ADGRG5: variants seen among roughly 807,000 people sequenced by gnomAD.
The protein encoded by ADGRG5 is adhesion G protein-coupled receptor G5.
A neutral mutation model predicts 53.2 loss-of-function variants in ADGRG5; 37 were observed. The ratio of observed to expected loss-of-function variants is 0.70; its 90% CI spans 0.53 to 0.91. ADGRG5 has a LOEUF of 0.91. Among genes scored for constraint, ADGRG5 ranks in the 40% least tolerant of loss-of-function variants. The probability of loss-of-function intolerance (pLI) is 0.00; values close to 1 mark genes in which losing one functional copy is unlikely to be tolerated. For missense variants in ADGRG5, 614 were observed against 675.8 expected, an observed-to-expected ratio of 0.91 and a Z score of 1.01; for synonymous variants, 277 against 290.4, an observed-to-expected ratio of 0.95 and a Z score of 0.47.
At chr16:57,550,224 C>T (rs1171692649) in intron 1 of ADGRG5, among the ~76,000 whole-genome samples, 9 of 152,168 alleles carry the variant, frequency 5.9e-5, no homozygotes, top group African/African-American at 1.9e-4. Context: ...GTGACCCACC[C>T]GCCTCGGCCT....
chr16:57,541,494 G>A (rs930081534), upstream of ADGRG5, among the ~76,000 whole-genome samples: 7 of 152,322 alleles, frequency 4.6e-5, no homozygotes, highest in South Asian at 2.1e-4. Flanking sequence ...AACCTTCACC[G>A]TGCAGCTGGG....
upstream of ADGRG5, among the ~76,000 whole-genome samples, chr16:57,538,023 T>A (rs1365811109): frequency 2.0e-5 from 3 of 151,968 alleles, no homozygotes; most frequent in African/African-American, 7.3e-5. Flanking sequence ...TGCCCAGAGT[T>A]TTTGGAGGTG....
intron 5 of ADGRG5, among the ~76,000 whole-genome samples, 167 bp from the exon 6 acceptor site, chr16:57,564,867 A>AAGGCTGGGAGGCTGGGAGGCTGGG (rs148143320): frequency 1.5e-4 from 22 of 151,088 alleles, no homozygotes; most frequent in African/African-American, 5.1e-4. Context: ...AGCACATGCA[A>AAGGCTGGGAGGCTGGGAGGCTGGG]AGGCTGGGAG....
At chr16:57,571,790 G>A (rs770972831) in intron 10 of ADGRG5, among the ~76,000 whole-genome samples, 3 of 151,722 alleles carry the variant, frequency 2.0e-5, no homozygotes, top group East Asian at 1.9e-4. Flanking sequence ...GATTACAGGC[G>A]CGTGCCACCA....
rs190975551 is a variant in ADGRG5 at position 57,574,239 on chromosome 16, G to A, written c.1209-576G>A. On this transcript the variant is annotated intron_variant, in intron 10 of 11. Coordinates refer to ENST00000349457, the MANE Select transcript of ADGRG5 (RefSeq NM_001304376.3). This position sits in a 1 kb window ranked among gnomAD's most constrained non-coding sequence, Gnocchi z 4.4. Reference sequence around the variant, plus strand: ...CTCAGCCCTCAGTGGGCTCTCCTGCGGCTCTGTGTGCTCTCAGGTTGACAC... The same window carrying A: ...CTCAGCCCTCAGTGGGCTCTCCTGCAGCTCTGTGTGCTCTCAGGTTGACAC... Among the ~76,000 whole-genome samples, 4 of 152,292 alleles carry A rather than the reference G, an allele frequency of 2.6e-5. No homozygotes were observed. Among genetic ancestry groups the A allele is most frequent in the African/African-American group, 4.8e-5 (2 of 41,556 alleles).
chr16:57,551,969 A>G (rs1485851402), intron 1 of ADGRG5, among the ~76,000 whole-genome samples: 3 of 152,194 alleles, frequency 2.0e-5, no homozygotes, highest in Non-Finnish European at 4.4e-5. Context: ...GTGCATCTCC[A>G]TCAGAGCTCT....
At chr16:57,565,542 G>A in intron 6 of ADGRG5, 1 of 321,594 alleles carries the variant, frequency 3.1e-6, no homozygotes. Flanking sequence ...GATGGATGCT[G>A]GAGAGCCAGA....
chr16:57,532,329 G>A, the ADGRG5 span, among the ~76,000 whole-genome samples: 2 of 152,084 alleles, frequency 1.3e-5, no homozygotes, highest in Non-Finnish European at 1.5e-5. Flanking sequence ...TCTGTGTCAC[G>A]CACCCAGACA....
chr16:57,554,501 C>T lies in ADGRG5; in HGVS notation c.-38-7555C>T, dbSNP rs556051211. Among the ~76,000 whole-genome samples, 37 of 152,074 alleles carry T rather than the reference C, an allele frequency of 2.4e-4. No homozygotes were observed. The South Asian group carries it at 3.5e-3, about 15-fold the overall frequency. On this transcript the variant is annotated intron_variant, in intron 1 of 11. Transcript: ENST00000349457. ...ACGCCATTCTCCTGCTTCAGCCTCCCGAATAGCTGGGACTACAGGCACCTG... is the reference window on the plus strand; with the variant it reads ...ACGCCATTCTCCTGCTTCAGCCTCCTGAATAGCTGGGACTACAGGCACCTG...
In ADGRG5 at chr16:57,562,459, G is replaced by A. The variant is rs143672048; in HGVS notation, c.140G>A (p.Arg47His). 732 of 1,594,398 alleles carry A rather than the reference G, an allele frequency of 4.6e-4. No homozygotes were observed. The highest frequency in any genetic ancestry group is 9.8e-4 in the Admixed American group (56 of 56,888). ...GGCCGGAGCTCAGTTTTTTCCTCTC[G>A]GTGAGTTGGATGTGCCTCCCACCCC... Reference protein sequence around the residue: ...SRGRSSVFSSRQLHQLEQMLL... With the variant: ...SRGRSSVFSSHQLHQLEQMLL... Residue 47 changes from arginine to histidine, a missense_variant and splice_region_variant, in exon 3 of 12, where the codon CGT (arginine) becomes CAT (histidine). Physicochemically the swap from Arg to His is conservative, Grantham distance 29. Coordinates refer to ENST00000349457, the MANE Select transcript of ADGRG5 (RefSeq NM_001304376.3).
At chr16:57,549,879 C>T (rs1319776108) in intron 1 of ADGRG5, among the ~76,000 whole-genome samples, 1 of 152,168 alleles carries the variant, frequency 6.6e-6, no homozygotes. Context: ...TAATCCTAGT[C>T]ATTCTAGAAG....
rs752038491 is a variant in ADGRG5 at position 57,567,946 on chromosome 16, C to T, written c.912C>T (p.Phe304=). 6 of 1,613,960 alleles carry T rather than the reference C, an allele frequency of 3.7e-6. No individual in the cohort carries two copies. Among genetic ancestry groups the T allele is most frequent in the East Asian group, 2.2e-5 (1 of 44,866 alleles). The change falls in exon 9 of 12, where the codon TTC becomes TTT. Residue 304 remains phenylalanine (F), a synonymous_variant. Transcript: ENST00000349457. ...TCGCCTTCCTGCTGAGCCCCGCATT[C>T]GCAATGTCTCCTGTGCCCGGGTCAG... ...LNIAFLLSPA[F]AMSPVPGSAC... is the part of the protein sequence containing the mutation.
chr16:57,538,988 C>T (rs939585670), upstream of ADGRG5, among the ~76,000 whole-genome samples: 1 of 152,130 alleles, frequency 6.6e-6, no homozygotes, highest in Admixed American at 6.5e-5. Flanking sequence ...TAGCTAGAAA[C>T]GTTCTCTTTG....
At position 57,565,041 on chromosome 16, in the gene ADGRG5, A is replaced by G; in HGVS notation, c.437A>G (p.Asn146Ser). The G allele has an allele frequency of 6.2e-7, 1 of 1,610,794 alleles. No homozygotes were observed. Among genetic ancestry groups the G allele is most frequent in the African/African-American group, 1.3e-5 (1 of 74,910 alleles). The change falls in exon 6 of 12, where the codon AAC becomes AGC. Residue 146 changes from asparagine to serine, a missense_variant. Coordinates refer to ENST00000349457, the MANE Select transcript of ADGRG5 (RefSeq NM_001304376.3). ...CTCCTGCTGCCCTTCCAGGATGAAA[A>G]CAACTCATCTCTGCTGAATAACTAC... Reference protein sequence around the residue: ...FSNTHFFKDENNSSLLNNYVL... With the variant: ...FSNTHFFKDESNSSLLNNYVL...
chr16:57,559,981 G>T (rs1268491096), intron 1 of ADGRG5, among the ~76,000 whole-genome samples: 1 of 152,154 alleles, frequency 6.6e-6, no homozygotes, highest in South Asian at 2.1e-4. Context: ...GAAATTAATT[G>T]CTTCTTTTTA....
At chr16:57,559,715 T>C (rs1596784572) in intron 1 of ADGRG5, among the ~76,000 whole-genome samples, 1 of 152,018 alleles carries the variant, frequency 6.6e-6, no homozygotes, top group Non-Finnish European at 1.5e-5. Context: ...GTTTGCTTGG[T>C]GGCCTGTGAC....
chr16:57,543,328 G>C (rs1394032821), intron 1 of ADGRG5, among the ~76,000 whole-genome samples: 2 of 136,140 alleles, frequency 1.5e-5, no homozygotes, highest in African/African-American at 5.9e-5. Flanking sequence ...TGTTGCCCAG[G>C]CTGGAGTGCA....
At chr16:57,545,697 T>G (rs1406731965) in intron 1 of ADGRG5, among the ~76,000 whole-genome samples, 1 of 152,240 alleles carries the variant, frequency 6.6e-6, no homozygotes, top group Non-Finnish European at 1.5e-5. Context: ...ATTCTAATGT[T>G]GTAGGAATAA....
In ADGRG5 at chr16:57,563,913, C is replaced by T. The variant is rs759778232; in HGVS notation, c.363C>T (p.Ala121=). 7 of 1,614,126 alleles carry T rather than the reference C, an allele frequency of 4.3e-6. No homozygotes were observed. Among genetic ancestry groups the T allele is most frequent in the Non-Finnish European group, 5.1e-6 (6 of 1,180,002 alleles). ...MQFPAELTRD[A]CKTRPRELRL... is the part of the protein sequence containing the mutation. ...TCCCCGCCGAGCTGACCCGGGACGC[C>T]TGCAAGACCCGCCCCAGGGAGCTGC... Residue 121 remains alanine, a synonymous_variant, in exon 5 of 12, where the codon GCC becomes GCT. Transcript: ENST00000349457.
Sources: gnomAD v4.1 joint callset for allele counts (sites outside exome capture counted in the v4.1 genomes callset) on GRCh38, gnomAD v4.1.1 for gene constraint, Gnocchi (gnomAD v3.1) non-coding constraint, MANE v1.5 for transcripts, NCBI Gene and HGNC (gene_info 2026-07-23, HGNC 2026-07-21) for gene names.